Variants in B4GALNT3 observed in about 807,000 individuals in gnomAD.
B4GALNT3 encodes the protein beta-1,4-N-acetyl-galactosaminyltransferase 3, also known as beta-1,4-N-acetylgalactosaminyltransferase 3.
A neutral mutation model predicts 120.2 loss-of-function variants in B4GALNT3; 86 were observed. The observed-to-expected ratio is 0.72, with a 90% CI of 0.60 to 0.86. The LOEUF is 0.86. Ranked by LOEUF, B4GALNT3 falls within the 40% of genes least tolerant of loss-of-function variation. The probability of loss-of-function intolerance (pLI) is 0.00; values close to 1 mark genes in which losing one functional copy is unlikely to be tolerated. For missense variants in B4GALNT3, 1,167 were observed against 1,298.9 expected (o/e 0.90, Z 1.56); for synonymous variants, 518 against 510.4 (o/e 1.01, Z -0.20).
chr12:507,810 G>C (rs143427355), intron 1 of B4GALNT3, among the ~76,000 whole-genome samples: 1 of 142,532 alleles, frequency 7.0e-6, no homozygotes, highest in Admixed American at 6.9e-5. Context: ...CTTGGTGGAC[G>C]TCTGTCCCTG....
intron 1 of B4GALNT3, among the ~76,000 whole-genome samples, chr12:487,464 G>A (rs1303544940): frequency 6.6e-6 from 1 of 152,216 alleles, no homozygotes; most frequent in Non-Finnish European, 1.5e-5. Context: ...TGTAATCTTA[G>A]CACTTTGGGA....
chr12:491,199 G>T (rs1389655838), intron 1 of B4GALNT3, among the ~76,000 whole-genome samples: 1 of 152,136 alleles, frequency 6.6e-6, no homozygotes, highest in African/African-American at 2.4e-5. Context: ...TTCTAGGTAT[G>T]CAAGGGTGGT....
chr12:500,024 T>C (rs1416874918), intron 1 of B4GALNT3, among the ~76,000 whole-genome samples: 1 of 152,232 alleles, frequency 6.6e-6, no homozygotes, highest in Non-Finnish European at 1.5e-5. Flanking sequence ...CTGGCCATTC[T>C]CTTGTTGCTC....
At chr12:561,151 G>C (rs866480582) in intron 19 of B4GALNT3, among the ~76,000 whole-genome samples, 192 bp from the exon 20 acceptor site, 14 of 152,326 alleles carry the variant, frequency 9.2e-5, no homozygotes, top group South Asian at 4.1e-4. Context: ...GGCTCTGAAA[G>C]AAGGCGTGAC....
intron 1 of B4GALNT3, among the ~76,000 whole-genome samples, chr12:512,513 T>G (rs1427078969): frequency 9.1e-6 from 1 of 109,440 alleles, no homozygotes; most frequent in Non-Finnish European, 1.8e-5. Context: ...CCTTCTGCCT[T>G]CCACCTTCGA....
At chr12:520,584 C>T (rs1320898463) in intron 1 of B4GALNT3, among the ~76,000 whole-genome samples, 4 of 152,226 alleles carry the variant, frequency 2.6e-5, no homozygotes, top group Non-Finnish European at 5.9e-5. Flanking sequence ...TCATAACGGC[C>T]GATGTCTCAT....
intron 14 of B4GALNT3, among the ~76,000 whole-genome samples, chr12:555,842 T>G (rs1473030993): frequency 1.3e-5 from 2 of 152,096 alleles, no homozygotes; most frequent in Non-Finnish European, 2.9e-5. Flanking sequence ...TGGAGTGCAG[T>G]GGCGCGATCT....
At chr12:462,037 A>G (rs1946027317) in intron 1 of B4GALNT3, among the ~76,000 whole-genome samples, 1 of 151,868 alleles carries the variant, frequency 6.6e-6, no homozygotes, top group South Asian at 2.1e-4. Context: ...CGGGGCCACG[A>G]CTCCAAGCAG....
intron 1 of B4GALNT3, among the ~76,000 whole-genome samples, chr12:512,360 C>T (rs564982919): frequency 0.014 from 1,946 of 139,124 alleles, 20 homozygotes; most frequent in African/African-American, 0.032. Flanking sequence ...CTTCCGCCTT[C>T]GACCTTCTTC....
intron 3 of B4GALNT3, among the ~76,000 whole-genome samples, chr12:543,958 G>A (rs1439072315): frequency 5.4e-5 from 5 of 92,782 alleles, no homozygotes; most frequent in Non-Finnish European, 8.2e-5. Flanking sequence ...TGGGGCGGGT[G>A]TGGGATGCTC....
Position 553,697 on chromosome 12 carries a change from G to A in B4GALNT3, c.1774G>A (p.Glu592Lys). The change falls in exon 14 of 20, where the codon GAA (glutamate) becomes AAA (lysine). Residue 592 changes from glutamate (E) to lysine (K), a missense_variant. By Grantham distance (56) the Glu-to-Lys change is moderately conservative. Around this residue, in one of 3 missense-constraint regions of B4GALNT3, gnomAD observed 983 missense variants for 1,102.5 expected, o/e 0.89. Transcript: ENST00000266383. Reference sequence around the variant, plus strand: ...TGGAAGGGGCTGGCATGGGGAGGAGGAAGTGGTGGCGGCCGCAGGCCAGGA... The same window carrying A: ...TGGAAGGGGCTGGCATGGGGAGGAGAAAGTGGTGGCGGCCGCAGGCCAGGA... ...APGRGWHGEEEVVAAAGQEGQ... is the reference protein window; with the variant it reads ...APGRGWHGEEKVVAAAGQEGQ... 2.5e-6 allele frequency: 4 copies of A among 1,613,838 alleles called. No homozygotes were observed. Among genetic ancestry groups the A allele is most frequent in the Non-Finnish European group, 3.4e-6 (4 of 1,179,732 alleles).
intron 1 of B4GALNT3, among the ~76,000 whole-genome samples, chr12:511,687 CCTTCTGT>C (rs372811077): frequency 0.06 from 2,687 of 44,616 alleles, 40 homozygotes; most frequent in African/African-American, 0.11. Flanking sequence ...CCGCCTTCCA[CCTTCTGT>C]CTTCCACCTT....
intron 1 of B4GALNT3, among the ~76,000 whole-genome samples, chr12:517,319 A>C (rs1489085295): frequency 6.6e-6 from 1 of 152,162 alleles, no homozygotes; most frequent in Non-Finnish European, 1.5e-5. Context: ...AAGGATAAGG[A>C]GTAGCCCATG....
At chr12:499,490 CGTGG>C in intron 1 of B4GALNT3, among the ~76,000 whole-genome samples, 1 of 131,790 alleles carries the variant, frequency 7.6e-6, no homozygotes, top group African/African-American at 3.3e-5. Flanking sequence ...ACTCCTAGCC[CGTGG>C]AGCCCGTGCT....
At chr12:481,984 C>T (rs1410908787) in intron 1 of B4GALNT3, among the ~76,000 whole-genome samples, 7 of 151,862 alleles carry the variant, frequency 4.6e-5, no homozygotes, top group African/African-American at 1.7e-4. Context: ...CAGGTAGGGG[C>T]AACAGGAAGA....
intron 3 of B4GALNT3, among the ~76,000 whole-genome samples, chr12:540,901 G>T (rs981182846): frequency 6.6e-6 from 1 of 152,048 alleles, no homozygotes; most frequent in East Asian, 1.9e-4. Context: ...CCACCACCGC[G>T]CCCAGCTAAT....
chr12:524,542 GGCC>G, intron 1 of B4GALNT3, among the ~76,000 whole-genome samples: 1 of 151,822 alleles, frequency 6.6e-6, no homozygotes, highest in Non-Finnish European at 1.5e-5. Flanking sequence ...AAACTTTTTT[GGCC>G]TCAGGGCCAT....
At chr12:500,466 G>C (rs1367734724) in intron 1 of B4GALNT3, among the ~76,000 whole-genome samples, 2 of 152,282 alleles carry the variant, frequency 1.3e-5, no homozygotes, top group Admixed American at 1.3e-4. Flanking sequence ...GCTGAGCCTA[G>C]TCCTGCATGT....
chr12:485,359 G>A (rs215231), intron 1 of B4GALNT3, among the ~76,000 whole-genome samples: 63,782 of 152,028 alleles, frequency 0.42, 14,113 homozygotes, highest in Admixed American at 0.56. Context: ...ATCAGGCTCA[G>A]TAGATATGTG....
Sources: gnomAD v4.1 joint callset for allele counts (sites outside exome capture counted in the v4.1 genomes callset) on GRCh38, gnomAD v4.1.1 for gene constraint, gnomAD v4.1.1 regional missense constraint, MANE v1.5 for transcripts, NCBI Gene and HGNC (gene_info 2026-07-23, HGNC 2026-07-21) for gene names.